PON2: variants seen among roughly 807,000 people sequenced by gnomAD.
PON2 encodes the protein paraoxonase 2.
In PON2, 27 loss-of-function variants were observed where a neutral mutation model predicts 36.6. The ratio of observed to expected loss-of-function variants is 0.74; its 90% CI spans 0.54 to 1.02. PON2 has a LOEUF of 1.02. Ranked by LOEUF, PON2 falls within the 50% of genes least tolerant of loss-of-function variation. The pLI is 0.00. For missense variants in PON2, 363 were observed against 421.1 expected (o/e 0.86, Z 1.21); for synonymous variants, 149 against 156.3 (o/e 0.95, Z 0.35).
Position 95,430,913 on chromosome 7 carries a change from A to G in PON2, c.74+3965T>C, listed in dbSNP as rs1016304190. Reference sequence around the variant, plus strand: ...GGATGGTGGTTTAAAAAAAAAAAAAAGGGAAAAAGGCTGCTCTTTCAGAAG... The same window carrying G: ...GGATGGTGGTTTAAAAAAAAAAAAAGGGGAAAAAGGCTGCTCTTTCAGAAG... On this transcript the variant is annotated intron_variant, in intron 1 of 8. Coordinates refer to ENST00000222572, the MANE Select transcript of PON2 (RefSeq NM_000305.3). Among the ~76,000 whole-genome samples, 5 of 149,874 alleles carry G rather than the reference A, an allele frequency of 3.3e-5. No homozygotes were observed. The South Asian group carries it at 1.1e-3, about 32-fold the overall frequency.
intron 2 of PON2, among the ~76,000 whole-genome samples, chr7:95,417,727 C>CACACACACACA (rs1562788872): frequency 2.5e-5 from 2 of 80,212 alleles, no homozygotes; most frequent in African/African-American, 1.1e-4. Context: ...ACACACACAC[C>CACACACACACA]GAGAGAGAAT....
intron 2 of PON2, among the ~76,000 whole-genome samples, chr7:95,417,727 C>CACACACACACACACACACA (rs1562788872): frequency 1.2e-5 from 1 of 80,212 alleles, no homozygotes; most frequent in African/African-American, 5.4e-5. Context: ...ACACACACAC[C>CACACACACACACACACACA]GAGAGAGAAT....
chr7:95,405,529 C>G (rs1809660805), intron 8 of PON2, 41 bp from the exon 9 acceptor site: 1 of 1,561,108 alleles, frequency 6.4e-7, no homozygotes, highest in African/African-American at 1.4e-5. Flanking sequence ...GACCACCGTA[C>G]ATGCATGTCA....
Position 95,424,093 on chromosome 7 carries a change from C to T in PON2, c.145+422G>A, listed in dbSNP as rs191840202. ...ACAACCAAACCATATTGGTCAGTTA[C>T]GTGTTAGCCATAAGATCAGATCCTA... is the stretch of plus-strand genomic sequence containing the variant. On this transcript the variant is annotated intron_variant, in intron 2 of 8. Transcript: ENST00000222572. The T allele has an allele frequency of 1.9e-5, 4 of 214,506 alleles. No individual in the cohort carries two copies. In the South Asian group the frequency reaches 2.3e-4, roughly 12 times the overall value. 13.3% of individuals were successfully genotyped at this position (214,506 alleles called of 1,614,324 possible). A position where few individuals can be genotyped will look rare whatever the true frequency, so the allele number is the denominator to read the frequency against.
chr7:95,415,437 C>T (rs958840996), intron 3 of PON2, among the ~76,000 whole-genome samples: 7 of 152,080 alleles, frequency 4.6e-5, no homozygotes, highest in African/African-American at 1.7e-4. Context: ...TAAATAAACT[C>T]AATGACTTTC....
intron 1 of PON2, 80 bp downstream of exon 1, chr7:95,434,798 C>CA: frequency 6.8e-7 from 1 of 1,470,134 alleles, no homozygotes; most frequent in Non-Finnish European, 9.1e-7. Context: ...ATCCCTCCCC[C>CA]AGCCTGCGCC....
At chr7:95,426,506 C>T (rs904181835) in intron 1 of PON2, among the ~76,000 whole-genome samples, 5 of 152,116 alleles carry the variant, frequency 3.3e-5, no homozygotes, top group African/African-American at 1.2e-4. Context: ...AACAATTTTC[C>T]CACGGCGCAA....
Position 95,407,071 on chromosome 7 carries a change from T to C in PON2, c.696-3A>G, listed in dbSNP as rs1217042188. ...ATATGTCAGCAACATAGATATACCT[T>C]TGCAGAAAGGACACAGTGGTTAGAG... is the stretch of plus-strand genomic sequence containing the variant. On this transcript the variant is annotated splice_polypyrimidine_tract_variant and splice_region_variant and intron_variant, in intron 6 of 8. Coordinates refer to ENST00000222572, the MANE Select transcript of PON2 (RefSeq NM_000305.3). 2.2e-5 allele frequency: 35 copies of C among 1,579,330 alleles called. No homozygotes were observed. The highest frequency in any genetic ancestry group is 2.8e-5 in the Non-Finnish European group (32 of 1,149,048).
intron 5 of PON2, among the ~76,000 whole-genome samples, chr7:95,410,920 G>T (rs1326583926): frequency 6.6e-6 from 1 of 152,102 alleles, no homozygotes; most frequent in Non-Finnish European, 1.5e-5. Context: ...TGGAAGGAAT[G>T]ATTGGAAGTT....
At chr7:95,426,080 A>T (rs17876190) in intron 1 of PON2, among the ~76,000 whole-genome samples, 1,706 of 152,246 alleles carry the variant, frequency 0.011, 27 homozygotes, top group South Asian at 0.046. Flanking sequence ...ACGATGGTAG[A>T]CACTGGGGAC....
At chr7:95,426,781 AC>A (rs1387712898) in intron 1 of PON2, among the ~76,000 whole-genome samples, 2 of 152,232 alleles carry the variant, frequency 1.3e-5, no homozygotes, top group Non-Finnish European at 2.9e-5. Flanking sequence ...CTGTTTGTAC[AC>A]CAAGTTTTAG....
chr7:95,434,648 A>G (rs757660822), intron 1 of PON2, among the ~76,000 whole-genome samples: 1 of 152,202 alleles, frequency 6.6e-6, no homozygotes, highest in Non-Finnish European at 1.5e-5. Flanking sequence ...AACTTTCAAG[A>G]AAGTGTCGCG....
intron 2 of PON2, among the ~76,000 whole-genome samples, chr7:95,416,998 G>A (rs1789078282): frequency 6.6e-6 from 1 of 152,112 alleles, no homozygotes; most frequent in Admixed American, 6.5e-5. Flanking sequence ...CAAATAATTA[G>A]ACATAAGACT....
chr7:95,406,373 C>A, intron 7 of PON2, 126 bp from the exon 8 acceptor site: 1 of 1,030,782 alleles, frequency 9.7e-7, no homozygotes, highest in Non-Finnish European at 1.5e-6. Context: ...CCTTCTAACA[C>A]CAATATTGCT....
intron 8 of PON2, 59 bp downstream of exon 8, chr7:95,406,060 G>GT: frequency 6.6e-7 from 1 of 1,519,522 alleles, no homozygotes; most frequent in Non-Finnish European, 9.1e-7. Flanking sequence ...ACAATTTATT[G>GT]TATTATTAGT....
At chr7:95,434,817 ACCACGCGGCCACCCCGAG>A (rs1337292361) in intron 1 of PON2, 43 bp downstream of exon 1, 1 of 1,513,148 alleles carries the variant, frequency 6.6e-7, no homozygotes, top group African/African-American at 1.4e-5. Flanking sequence ...CCCTCCCCGC[ACCACGCGGCCACCCCGAG>A]CCTGGGGACC....
In PON2 at chr7:95,416,293, A is replaced by T; in HGVS notation, c.150T>A (p.Ala50=). ...GAAGTATGTCAATATCTTCAGAGCCAGCTTCTGTAAGTTTAAGGAACAGAT... is the reference window on the plus strand; with the variant it reads ...GAAGTATGTCAATATCTTCAGAGCCTGCTTCTGTAAGTTTAAGGAACAGAT... ...PHCHLIKGIE[A]GSEDIDILPN... The change falls in exon 3 of 9, where the codon GCT becomes GCA. Residue 50 remains alanine, a synonymous_variant. Coordinates refer to ENST00000222572, the MANE Select transcript of PON2 (RefSeq NM_000305.3). The T allele has an allele frequency of 6.2e-7, 1 of 1,613,768 alleles. No individual in the cohort carries two copies. The highest frequency in any genetic ancestry group is 8.5e-7 in the Non-Finnish European group (1 of 1,179,672).
At chr7:95,423,937 AACTC>A (rs1042138048) in intron 2 of PON2, among the ~76,000 whole-genome samples, 15 of 152,146 alleles carry the variant, frequency 9.9e-5, no homozygotes, top group African/African-American at 3.4e-4. Flanking sequence ...ATCTCATGAG[AACTC>A]ACTCACTATC....
chr7:95,431,759 A>G (rs1685887714), intron 1 of PON2, among the ~76,000 whole-genome samples: 1 of 152,092 alleles, frequency 6.6e-6, no homozygotes, highest in Non-Finnish European at 1.5e-5. Flanking sequence ...AGGGTCACCA[A>G]ATTCTGACAG....
Sources: allele counts gnomAD v4.1 joint callset (sites outside exome capture counted in the v4.1 genomes callset), GRCh38; gene constraint gnomAD v4.1.1; transcripts MANE v1.5; gene names NCBI Gene and HGNC (gene_info 2026-07-23, HGNC 2026-07-21).